The following SEL1L2 variants were observed in gnomAD, a reference collection of about 807,000 sequenced individuals.
SEL1L2 encodes protein sel-1 homolog 2.
Under a neutral mutation model 98.8 loss-of-function variants are expected in SEL1L2, and 89 were observed. The observed-to-expected ratio is 0.90, with a 90% CI of 0.76 to 1.07. The LOEUF is 1.07. Among genes scored for constraint, SEL1L2 ranks in the 50% least tolerant of loss-of-function variants. SEL1L2 has a pLI of 0.00. For synonymous variants in SEL1L2, 262 were observed against 278.5 expected (o/e 0.94, Z 0.59); for missense variants, 788 against 812.0 (o/e 0.97, Z 0.36).
intron 4 of SEL1L2, among the ~76,000 whole-genome samples, chr20:13,916,217 G>T (rs997930384): frequency 6.6e-6 from 1 of 152,120 alleles, no homozygotes; most frequent in African/African-American, 2.4e-5. Context: ...GGAGCCAAAA[G>T]GATAGTTTTA....
In SEL1L2 at chr20:13,915,353, G is replaced by A; in HGVS notation, c.387-1409C>T. On this transcript the variant is annotated intron_variant, in intron 4 of 19. Coordinates refer to ENST00000284951, the MANE Select transcript of SEL1L2 (RefSeq NM_025229.2). ...CCAGGTCAAAGCCAGCTGAAATTCT[G>A]GAGGCGGGAAGGCAAACAAGGCAGA... is the stretch of plus-strand genomic sequence containing the variant. 4 of 826,992 alleles carry A rather than the reference G, an allele frequency of 4.8e-6. No individual in the cohort carries two copies. The South Asian group carries it at 6.7e-5, about 14-fold the overall frequency. The allele number at this position is 826,992 out of a possible 1,614,324, so 51.2% of individuals were successfully genotyped here.
chr20:13,850,964 G>C (rs944478405), intron 18 of SEL1L2, among the ~76,000 whole-genome samples: 8 of 146,142 alleles, frequency 5.5e-5, no homozygotes, highest in African/African-American at 1.9e-4. Context: ...GCCAGGCACA[G>C]GGGGGTTCAC....
chr20:13,951,511 A>G (rs1171459711), intron 2 of SEL1L2, among the ~76,000 whole-genome samples: 1 of 135,392 alleles, frequency 7.4e-6, no homozygotes, highest in Admixed American at 7.6e-5. Flanking sequence ...AGGCAGGAGA[A>G]TCTCTTGAAT....
intron 2 of SEL1L2, among the ~76,000 whole-genome samples, chr20:13,941,475 G>C (rs554659438): frequency 1.3e-5 from 2 of 152,292 alleles, no homozygotes; most frequent in African/African-American, 4.8e-5. Context: ...TCTTTCAAGT[G>C]ATGAGTGGCA....
chr20:13,982,814 A>C (rs912962109), intron 1 of SEL1L2, among the ~76,000 whole-genome samples: 1 of 151,476 alleles, frequency 6.6e-6, no homozygotes, highest in Non-Finnish European at 1.5e-5. Context: ...TTACAAGGTC[A>C]GGAGACTGAG....
intron 3 of SEL1L2, among the ~76,000 whole-genome samples, chr20:13,919,829 G>C (rs771206285): frequency 1.6e-4 from 25 of 151,826 alleles, no homozygotes; most frequent in Non-Finnish European, 4.4e-5. Flanking sequence ...AGGAGGCTGA[G>C]GCAGAGAATT....
At chr20:13,871,956 C>A (rs1203606307) in intron 12 of SEL1L2, among the ~76,000 whole-genome samples, 1 of 152,104 alleles carries the variant, frequency 6.6e-6, no homozygotes, top group African/African-American at 2.4e-5. Context: ...CCGGAGTAAC[C>A]CTCAGTAACA....
At chr20:13,985,846 C>T (rs766664060) in intron 1 of SEL1L2, among the ~76,000 whole-genome samples, 5 of 152,174 alleles carry the variant, frequency 3.3e-5, no homozygotes, top group Non-Finnish European at 5.9e-5. Flanking sequence ...AACCAGTAAC[C>T]GACTTTCAGT....
chr20:13,896,238 G>A (rs894278514), intron 5 of SEL1L2, among the ~76,000 whole-genome samples: 3 of 152,102 alleles, frequency 2.0e-5, no homozygotes, highest in African/African-American at 4.8e-5. Flanking sequence ...TGGGGAGGCC[G>A]AGGTGGGTGG....
chr20:13,987,311 G>GTTTTT (rs67919960), intron 1 of SEL1L2, among the ~76,000 whole-genome samples: 1 of 132,208 alleles, frequency 7.6e-6, no homozygotes, highest in African/African-American at 3.0e-5. Context: ...TTAATTTACT[G>GTTTTT]TTTTTTTTTT....
At chr20:13,862,538 C>A (rs965991545) in intron 17 of SEL1L2, among the ~76,000 whole-genome samples, 1 of 152,144 alleles carries the variant, frequency 6.6e-6, no homozygotes, top group Non-Finnish European at 1.5e-5. Flanking sequence ...GCATAACATC[C>A]TTTGGAATTT....
chr20:13,960,681 A>G (rs1406148860), intron 1 of SEL1L2, among the ~76,000 whole-genome samples: 2 of 152,114 alleles, frequency 1.3e-5, no homozygotes, highest in African/African-American at 4.8e-5. Context: ...CCACTTGAGA[A>G]ACATTGGTGA....
intron 3 of SEL1L2, among the ~76,000 whole-genome samples, chr20:13,930,960 G>C (rs2049117206): frequency 6.6e-6 from 1 of 151,670 alleles, no homozygotes; most frequent in African/African-American, 2.4e-5. Context: ...GCAAGCCCTC[G>C]TCTCTACTAA....
At chr20:13,857,835 C>T (rs148892860) in intron 18 of SEL1L2, among the ~76,000 whole-genome samples, 3 of 152,316 alleles carry the variant, frequency 2.0e-5, no homozygotes, top group East Asian at 3.9e-4. Flanking sequence ...TGTTTGACTA[C>T]AAAGCCCTTT....
chr20:13,955,269 TAGA>T (rs773988800), intron 2 of SEL1L2, among the ~76,000 whole-genome samples: 5 of 152,034 alleles, frequency 3.3e-5, no homozygotes, highest in Admixed American at 6.6e-5. Context: ...GGAAGGGGTA[TAGA>T]AGAAGGTGTT....
chr20:13,858,796 C>A (rs1320712833), intron 18 of SEL1L2, among the ~76,000 whole-genome samples: 2 of 152,170 alleles, frequency 1.3e-5, no homozygotes, highest in Admixed American at 6.5e-5. Flanking sequence ...GTATCCAGCA[C>A]TGGGTCATGT....
At chr20:13,940,372 C>T (rs951832434) in intron 2 of SEL1L2, among the ~76,000 whole-genome samples, 3 of 152,056 alleles carry the variant, frequency 2.0e-5, no homozygotes, top group Admixed American at 1.3e-4. Flanking sequence ...AGTACGAATG[C>T]CCTAAAGTGG....
At chr20:13,896,875 A>C (rs560137969) in intron 5 of SEL1L2, among the ~76,000 whole-genome samples, 1 of 152,300 alleles carries the variant, frequency 6.6e-6, no homozygotes, top group African/African-American at 2.4e-5. Flanking sequence ...TTAAAATATC[A>C]ATGTTATTTT....
At chr20:13,859,475 G>T in intron 17 of SEL1L2, 41 bp from the exon 18 acceptor site, 2 of 1,538,048 alleles carry the variant, frequency 1.3e-6, no homozygotes, top group South Asian at 1.1e-5. Flanking sequence ...TAACTCAAAT[G>T]ATTCATGTAT....
Sources: gnomAD v4.1 joint callset for allele counts (sites outside exome capture counted in the v4.1 genomes callset) on GRCh38, gnomAD v4.1.1 for gene constraint, MANE v1.5 for transcripts, NCBI Gene and HGNC (gene_info 2026-07-23, HGNC 2026-07-21) for gene names.